Variants in SIPA1 observed in about 807,000 individuals in gnomAD.
The protein encoded by SIPA1 is signal-induced proliferation-associated 1, also known as signal-induced proliferation-associated protein 1.
Under a neutral mutation model 88.1 loss-of-function variants are expected in SIPA1, and 51 were observed. The observed-to-expected ratio is 0.58, with a 90% CI of 0.46 to 0.73. The LOEUF (loss-of-function observed/expected upper bound fraction) is 0.73, where lower values mean the gene tolerates loss of function less well. Among genes scored for constraint, SIPA1 ranks in the 30% least tolerant of loss-of-function variants. The pLI is 0.00. For synonymous variants in SIPA1, 681 were observed against 664.8 expected (o/e 1.02, Z -0.37); for missense variants, 1,348 against 1,467.6 (o/e 0.92, Z 1.33).
chr11:65,645,565 C>T (rs986100163), intron 5 of SIPA1, among the ~76,000 whole-genome samples: 3 of 152,108 alleles, frequency 2.0e-5, no homozygotes, highest in African/African-American at 7.2e-5. Flanking sequence ...CCTGACCCTG[C>T]CCTCCCTCTG....
chr11:65,641,235 C>T lies in SIPA1; in HGVS notation c.314C>T (p.Pro105Leu), dbSNP rs372643696. 1 of 1,613,152 alleles carries T rather than the reference C, an allele frequency of 6.2e-7. No homozygotes were observed. The highest frequency in any genetic ancestry group is 1.3e-5 in the African/African-American group (1 of 74,946). ...LLGLPAEEPE[P>L]AFPPVLEPRW... ...GGGCTGCCAGCAGAGGAACCAGAGC[C>T]TGCCTTCCCACCAGTGCTTGAGCCT... The change falls in exon 2 of 16, where the codon CCT (proline) becomes CTT (leucine). Residue 105 changes from proline to leucine, a missense_variant. Pro to Leu is a moderately conservative substitution (Grantham distance 98, BLOSUM62 -3). Coordinates refer to ENST00000534313, the MANE Select transcript of SIPA1 (RefSeq NM_006747.4).
At chr11:65,649,234 T>A (rs374545962) in intron 9 of SIPA1, 28 bp from the exon 10 acceptor site, 10 of 1,465,894 alleles carry the variant, frequency 6.8e-6, no homozygotes, top group African/African-American at 1.4e-5. Flanking sequence ...ACTGGAGAAG[T>A]CCTGCCTGAC....
rs1565184575 is a variant in SIPA1 at position 65,650,518 on chromosome 11, GC to G, written c.2982+43del. On this transcript the variant is annotated intron_variant, in intron 15 of 15. Coordinates refer to ENST00000534313, the MANE Select transcript of SIPA1 (RefSeq NM_006747.4). The stretch of plus-strand genomic sequence containing the variant: ...TGAGCTTGGGGGGAGTCACAGGGCT[GC>G]CCCAGGAAAGGGGCTGGCGGCTCTG... 1.9e-6 allele frequency: 3 copies of G among 1,613,264 alleles called. No homozygotes were observed. In the South Asian group the frequency reaches 3.3e-5, roughly 18 times the overall value.
intron 4 of SIPA1, among the ~76,000 whole-genome samples, chr11:65,644,581 A>G (rs2135516811): frequency 6.6e-6 from 1 of 150,734 alleles, no homozygotes; most frequent in East Asian, 2.0e-4. Context: ...GGGCACAGAA[A>G]TGGGAGCATG....
At chr11:65,647,786 TC>T in intron 9 of SIPA1, 128 bp downstream of exon 9, 4 of 695,836 alleles carry the variant, frequency 5.7e-6, no homozygotes, top group Non-Finnish European at 7.9e-6. Flanking sequence ...GGAAAGAATC[TC>T]CCGTCTCTTA....
At position 65,649,448 on chromosome 11, in the gene SIPA1, C is replaced by T. The variant is rs995565401; in HGVS notation, c.2493C>T (p.Phe831=). The T allele has an allele frequency of 6.2e-7, 1 of 1,609,480 alleles. No homozygotes were observed. The highest frequency in any genetic ancestry group is 8.5e-7 in the Non-Finnish European group (1 of 1,177,908). The change falls in exon 10 of 16, where the codon TTC becomes TTT. Residue 831 remains phenylalanine, a synonymous_variant. Transcript: ENST00000534313. ...ATCTGGCCGAGGAGAGGACTGAGTT[C>T]CTGCACAGCCAGAACTCGCTGTCAC... ...PGDLAEERTE[F]LHSQNSLSPR...
At chr11:65,650,546 C>T (rs371039196) in intron 15 of SIPA1, 23 bp from the exon 16 acceptor site, 3 of 1,610,164 alleles carry the variant, frequency 1.9e-6, no homozygotes, top group Non-Finnish European at 2.5e-6. Context: ...GCGGCTCTGA[C>T]TCCTGTCTCC....
At position 65,645,020 on chromosome 11, in the gene SIPA1, G is replaced by A; in HGVS notation, c.1050G>A (p.Met350Ile). Reference sequence around the variant, plus strand: ...CGGGCCAGGGCTCGGAGGAGGAGATGTACAACAACCAGGAGGCGGGACCGG... The same window carrying A: ...CGGGCCAGGGCTCGGAGGAGGAGATATACAACAACCAGGAGGCGGGACCGG... Reference protein sequence around the residue: ...CRAGQGSEEEMYNNQEAGPAF... With the variant: ...CRAGQGSEEEIYNNQEAGPAF... The change falls in exon 5 of 16, where the codon ATG becomes ATA. Residue 350 changes from methionine to isoleucine, a missense_variant. Met to Ile is a conservative substitution (Grantham distance 10). Coordinates refer to ENST00000534313, the MANE Select transcript of SIPA1 (RefSeq NM_006747.4). The A allele has an allele frequency of 6.8e-6, 11 of 1,614,076 alleles. No individual in the cohort carries two copies. Among genetic ancestry groups the A allele is most frequent in the Non-Finnish European group, 9.3e-6 (11 of 1,179,946 alleles).
chr11:65,640,921 C>A lies in SIPA1; in HGVS notation c.-1C>A. On this transcript the variant is annotated 5_prime_UTR_variant, in exon 2 of 16. Coordinates refer to ENST00000534313, the MANE Select transcript of SIPA1 (RefSeq NM_006747.4). ...CCCCCGGAGAGTCAGGCCCACAGAG[C>A]ATGCCCATGTGGGCCGGCGGTGTGG... 1.3e-6 allele frequency: 2 copies of A among 1,507,864 alleles called. No homozygotes were observed. Among genetic ancestry groups the A allele is most frequent in the African/African-American group, 1.4e-5 (1 of 72,510 alleles). The allele number at this position is 1,507,864 out of a possible 1,614,324, so 93.4% of individuals were successfully genotyped here.
intron 4 of SIPA1, among the ~76,000 whole-genome samples, chr11:65,644,607 G>GCC (rs1227590505): frequency 6.6e-6 from 1 of 151,996 alleles, no homozygotes; most frequent in Non-Finnish European, 1.5e-5. Flanking sequence ...CAGAGGTGGT[G>GCC]CCTGGCCTGC....
Position 65,642,744 on chromosome 11 carries a change from T to A in SIPA1, c.984+105T>A. On this transcript the variant is annotated intron_variant, in intron 4 of 15. Coordinates refer to ENST00000534313, the MANE Select transcript of SIPA1 (RefSeq NM_006747.4). This position sits in a 1 kb window ranked among gnomAD's most constrained non-coding sequence, Gnocchi z 6.5. ...GCCTTGACCCTGATCCTGGGCTGGG[T>A]GGTGACCCCAGAAGAGCTGGCTTTT... The A allele has an allele frequency of 8.8e-7, 1 of 1,139,296 alleles. No individual in the cohort carries two copies. Among genetic ancestry groups the A allele is most frequent in the Non-Finnish European group, 1.2e-6 (1 of 837,594 alleles). 70.6% of individuals were successfully genotyped at this position (1,139,296 alleles called of 1,614,324 possible). A position where few individuals can be genotyped will look rare whatever the true frequency, so the allele number is the denominator to read the frequency against.
In SIPA1 at chr11:65,640,975, G is replaced by A. The variant is rs553528144; in HGVS notation, c.54G>A (p.Ala18=). Reference sequence around the variant, plus strand: ...GCCCTCGGCGGGGCATGGCCCCTGCGTCCACAGATGACCTCTTTGCCCGCA... The same window carrying A: ...GCCCTCGGCGGGGCATGGCCCCTGCATCCACAGATGACCTCTTTGCCCGCA... ...VGSPRRGMAP[A]STDDLFARKL... The change falls in exon 2 of 16, where the codon GCG becomes GCA. Residue 18 remains alanine, a synonymous_variant. Transcript: ENST00000534313. The A allele has an allele frequency of 2.7e-5, 43 of 1,577,244 alleles. No homozygotes were observed. Among genetic ancestry groups the A allele is most frequent in the Admixed American group, 1.4e-4 (8 of 56,068 alleles).
intron 1 of SIPA1, among the ~76,000 whole-genome samples, chr11:65,638,721 C>T (rs367659827): frequency 6.6e-5 from 10 of 152,224 alleles, no homozygotes; most frequent in African/African-American, 2.4e-4. Flanking sequence ...GTGACACAGG[C>T]CCGGAGGAAT....
At chr11:65,638,331 C>T (rs928535963) in intron 1 of SIPA1, 149 bp downstream of exon 1, 2 of 152,648 alleles carry the variant, frequency 1.3e-5, no homozygotes, top group Non-Finnish European at 1.5e-5. Flanking sequence ...CGGGCTCCAG[C>T]TCAGTCCCGA....
At chr11:65,648,269 T>C (rs1265696432) in intron 9 of SIPA1, among the ~76,000 whole-genome samples, 2 of 152,078 alleles carry the variant, frequency 1.3e-5, no homozygotes, top group East Asian at 3.8e-4. Flanking sequence ...TTTTTAAGTA[T>C]TGGCACCCGC....
intron 12 of SIPA1, 30 bp from the exon 13 acceptor site, chr11:65,649,920 C>T (rs374603010): frequency 1.7e-5 from 27 of 1,613,452 alleles, no homozygotes; most frequent in Non-Finnish European, 2.2e-5. Context: ...CCTGGGCTTC[C>T]CTAGCTCAGC....
chr11:65,639,437 C>G (rs746792803), intron 1 of SIPA1, among the ~76,000 whole-genome samples: 1 of 152,198 alleles, frequency 6.6e-6, no homozygotes, highest in African/African-American at 2.4e-5. Flanking sequence ...GATGAGAAAA[C>G]AGAGGCTCAA....
At chr11:65,647,271 G>T (rs1856144002) in intron 8 of SIPA1, 113 bp from the exon 9 acceptor site, 1 of 1,367,830 alleles carries the variant, frequency 7.3e-7, no homozygotes, top group Non-Finnish European at 9.5e-7. Flanking sequence ...GGCACACGCG[G>T]CCCTCGGGGA....
rs1856018106 is a variant in SIPA1, at chr11:65,642,195, GGGGCGGGGCTGCCAGA to G, written c.680-47_680-32del. On this transcript the variant is annotated intron_variant, in intron 2 of 15. Transcript: ENST00000534313. The surrounding 1 kb of genome is among the most constrained non-coding windows in gnomAD (Gnocchi z 6.5). ...GCTTAGTGATGCGCGTGGTCGAGCG[GGGGCGGGGCTGCCAGA>G]GGGCGGGACCAATCGTTTTCTTCGG... 1.3e-6 allele frequency: 2 copies of G among 1,533,238 alleles called. No individual in the cohort carries two copies. The highest frequency in any genetic ancestry group is 2.8e-5 in the African/African-American group (2 of 71,718). The allele number at this position is 1,533,238 out of a possible 1,614,324, so 95.0% of individuals were successfully genotyped here. A position where few individuals can be genotyped will look rare whatever the true frequency, so the allele number is the denominator to read the frequency against.
Sources: gnomAD v4.1 joint callset for allele counts (sites outside exome capture counted in the v4.1 genomes callset) on GRCh38, gnomAD v4.1.1 for gene constraint, Gnocchi (gnomAD v3.1) non-coding constraint, MANE v1.5 for transcripts, NCBI Gene and HGNC (gene_info 2026-07-23, HGNC 2026-07-21) for gene names.